Variants in PCDHGA10 observed in about 807,000 individuals in gnomAD.
PCDHGA10 encodes the protein protocadherin gamma subfamily A, 10.
Under a neutral mutation model 59.5 loss-of-function variants are expected in PCDHGA10, and 42 were observed. The observed-to-expected ratio is 0.71, with a 90% CI of 0.55 to 0.91. The LOEUF is 0.91. PCDHGA10 is among the 40% of genes least tolerant of loss of function. The probability of loss-of-function intolerance (pLI) is 0.00; values close to 1 mark genes in which losing one functional copy is unlikely to be tolerated. For missense variants in PCDHGA10, 1,111 were observed against 1,198.2 expected (o/e 0.93, Z 1.07); for synonymous variants, 511 against 517.2 (o/e 0.99, Z 0.16).
At chr5:141,494,979 T>C in intron 2 of PCDHGA10, 114 bp downstream of exon 2, 1 of 1,571,464 alleles carries the variant, frequency 6.4e-7, no homozygotes, top group Admixed American at 1.8e-5. Flanking sequence ...TCCCTCAGTT[T>C]GAGATCCCAG....
intron 1 of PCDHGA10, among the ~76,000 whole-genome samples, chr5:141,459,176 T>C (rs2098962762): frequency 6.6e-6 from 1 of 152,210 alleles, no homozygotes. Context: ...CTTCAAAAGT[T>C]CCCTCATGCC....
intron 1 of PCDHGA10, among the ~76,000 whole-genome samples, chr5:141,458,449 A>G (rs1483902182): frequency 6.6e-6 from 1 of 152,086 alleles, no homozygotes; most frequent in Non-Finnish European, 1.5e-5. Context: ...CCACATTAAC[A>G]ATTTTTAAAA....
At chr5:141,455,282 A>C (rs1307886349) in intron 1 of PCDHGA10, among the ~76,000 whole-genome samples, 1 of 152,056 alleles carries the variant, frequency 6.6e-6, no homozygotes, top group Non-Finnish European at 1.5e-5. Flanking sequence ...TATTAACATC[A>C]CTTTACATAG....
At chr5:141,421,478 G>T in intron 1 of PCDHGA10, 1 of 1,614,130 alleles carries the variant, frequency 6.2e-7, no homozygotes, top group Non-Finnish European at 8.5e-7. Flanking sequence ...CGAAGCGGCA[G>T]CTTGATCACG....
intron 1 of PCDHGA10, chr5:141,442,367 T>C (rs1304138950): frequency 6.6e-6 from 1 of 152,282 alleles, no homozygotes; most frequent in Non-Finnish European, 1.5e-5. Flanking sequence ...TATGATGCCA[T>C]ATTCCTACCA....
At chr5:141,498,971 G>GGGAGGGAAGGAAGGAAGGAA (rs2099787588) in intron 2 of PCDHGA10, among the ~76,000 whole-genome samples, 11 of 111,048 alleles carry the variant, frequency 9.9e-5, no homozygotes, top group African/African-American at 3.2e-4. Context: ...GAGGGAGGGA[G>GGGAGGGAAGGAAGGAAGGAA]GGAAGGAAGG....
rs2099170089 is a variant in PCDHGA10, at chr5:141,468,602, C to T, written c.2437-26205C>T. On this transcript the variant is annotated intron_variant, in intron 1 of 3. Coordinates refer to ENST00000398610, the MANE Select transcript of PCDHGA10 (RefSeq NM_018913.3). ...GTACTAAAGGCTGGGCGCGGTGGCT[C>T]ACGCCTGTAATCCCAGCACTTTGGG... The T allele has an allele frequency of 2.6e-5, 4 of 152,284 alleles. No individual in the cohort carries two copies. The South Asian group carries it at 8.3e-4, about 32-fold the overall frequency. 9.4% of individuals were successfully genotyped at this position (152,284 alleles called of 1,614,324 possible).
In PCDHGA10 at chr5:141,422,240, T is replaced by C. The variant is rs1472994337; in HGVS notation, c.2436+6629T>C. ...ACCACCACGACGATGTTGATCACTG[T>C]TGTGGATGTGAATGATAACGCTCCA... On this transcript the variant is annotated intron_variant, in intron 1 of 3. Coordinates refer to ENST00000398610, the MANE Select transcript of PCDHGA10 (RefSeq NM_018913.3). 1.3e-6 allele frequency: 2 copies of C among 1,566,716 alleles called. No individual in the cohort carries two copies. The highest frequency in any genetic ancestry group is 1.2e-5 in the South Asian group (1 of 81,384).
Position 141,491,436 on chromosome 5 carries a change from G to A in PCDHGA10, c.2437-3371G>A, listed in dbSNP as rs771884610. ...ACGGGGGTGGAGGGCAGTGCTGCAG[G>A]CGCCAGGACTCACCCTCCCCGGACT... On this transcript the variant is annotated intron_variant, in intron 1 of 3. Coordinates refer to ENST00000398610, the MANE Select transcript of PCDHGA10 (RefSeq NM_018913.3). This position sits in a 1 kb window ranked among gnomAD's most constrained non-coding sequence, Gnocchi z 6.9. 1 of 1,614,070 alleles carries A rather than the reference G, an allele frequency of 6.2e-7. No individual in the cohort carries two copies. The highest frequency in any genetic ancestry group is 8.5e-7 in the Non-Finnish European group (1 of 1,180,034).
intron 2 of PCDHGA10, among the ~76,000 whole-genome samples, chr5:141,500,948 A>G (rs1055841985): frequency 1.8e-4 from 28 of 151,592 alleles, no homozygotes; most frequent in Non-Finnish European, 4.4e-5. Context: ...GGCTCACTGC[A>G]AGCTCCACCT....
At chr5:141,471,965 G>A (rs919560714) in intron 1 of PCDHGA10, among the ~76,000 whole-genome samples, 4 of 152,160 alleles carry the variant, frequency 2.6e-5, no homozygotes, top group Non-Finnish European at 4.4e-5. Context: ...GGGGTTGGTT[G>A]CATTACTGTA....
intron 1 of PCDHGA10, chr5:141,430,977 A>G (rs761722055): frequency 1.2e-5 from 20 of 1,613,408 alleles, no homozygotes; most frequent in Middle Eastern, 1.7e-4. Flanking sequence ...GGTAGGACGC[A>G]GCTTTTCGCC....
intron 1 of PCDHGA10, 180 bp downstream of exon 1, chr5:141,415,791 C>CTTT: frequency 1.5e-6 from 2 of 1,341,938 alleles, no homozygotes; most frequent in Non-Finnish European, 1.9e-6. Flanking sequence ...GTAAAATTCA[C>CTTT]CTAGTCTCAA....
chr5:141,461,506 AT>A (rs1406680307), intron 1 of PCDHGA10, among the ~76,000 whole-genome samples: 2 of 151,524 alleles, frequency 1.3e-5, no homozygotes, highest in Non-Finnish European at 1.5e-5. Context: ...TTTCTTGGTG[AT>A]TTGTTAGTTC....
chr5:141,469,962 C>T (rs943032320), intron 1 of PCDHGA10, among the ~76,000 whole-genome samples: 8 of 152,134 alleles, frequency 5.3e-5, no homozygotes, highest in African/African-American at 1.9e-4. Flanking sequence ...GAAACCCCAT[C>T]TGTACCAAAA....
chr5:141,482,049 C>G (rs1456071625), intron 1 of PCDHGA10, among the ~76,000 whole-genome samples: 2 of 149,284 alleles, frequency 1.3e-5, no homozygotes, highest in Non-Finnish European at 3.0e-5. Context: ...CATGCTGTTG[C>G]ATTCCAGCCT....
Position 141,476,944 on chromosome 5 carries a change from C to A in PCDHGA10, c.2437-17863C>A. The A allele has an allele frequency of 1.9e-6, 3 of 1,614,188 alleles. No individual in the cohort carries two copies. The highest frequency in any genetic ancestry group is 2.5e-6 in the Non-Finnish European group (3 of 1,180,044). ...CAACGGATCTGGATGAAGGCCCCAA[C>A]GGTGAAATTATTTACTCCTTCGGCA... On this transcript the variant is annotated intron_variant, in intron 1 of 3. Transcript: ENST00000398610. This position sits in a 1 kb window ranked among gnomAD's most constrained non-coding sequence, Gnocchi z 7.6.
intron 1 of PCDHGA10, among the ~76,000 whole-genome samples, chr5:141,457,975 C>T (rs2098934043): frequency 6.6e-6 from 1 of 152,202 alleles, no homozygotes; most frequent in South Asian, 2.1e-4. Context: ...AAGGGAAACA[C>T]ACCCTTTCAG....
Position 141,489,276 on chromosome 5 carries a change from AT to A in PCDHGA10, c.2437-5530del, listed in dbSNP as rs2099684949. 1.9e-6 allele frequency: 3 copies of A among 1,556,004 alleles called. No homozygotes were observed. Among genetic ancestry groups the A allele is most frequent in the Non-Finnish European group, 2.6e-6 (3 of 1,151,570 alleles). ...AGACACTCCCACAGCTCGCTGGGAA[AT>A]GGCAAGTGCTGTGCATGTTGTCCTT... On this transcript the variant is annotated intron_variant, in intron 1 of 3. Coordinates refer to ENST00000398610, the MANE Select transcript of PCDHGA10 (RefSeq NM_018913.3). This position sits in a 1 kb window ranked among gnomAD's most constrained non-coding sequence, Gnocchi z 4.5.
Sources: gnomAD v4.1 joint callset for allele counts (sites outside exome capture counted in the v4.1 genomes callset) on GRCh38, gnomAD v4.1.1 for gene constraint, Gnocchi (gnomAD v3.1) non-coding constraint, MANE v1.5 for transcripts, NCBI Gene and HGNC (gene_info 2026-07-23, HGNC 2026-07-21) for gene names.